CCDC62: variants seen among roughly 807,000 people sequenced by gnomAD.
CCDC62 encodes the protein coiled-coil domain containing 62.
In CCDC62, 72 loss-of-function variants were observed where a neutral mutation model predicts 80.8. The ratio of observed to expected loss-of-function variants is 0.89; its 90% CI spans 0.74 to 1.08. CCDC62 has a LOEUF of 1.08. Among genes scored for constraint, CCDC62 ranks in the 50% least tolerant of loss-of-function variants. CCDC62 has a pLI of 0.00. For synonymous variants in CCDC62, 286 were observed against 296.5 expected (o/e 0.96, Z 0.36); for missense variants, 704 against 809.4 (o/e 0.87, Z 1.58).
At chr12:122,776,929 G>C (rs1879492591) in intron 1 of CCDC62, 1 of 152,430 alleles carries the variant, frequency 6.6e-6, no homozygotes, top group African/African-American at 2.4e-5. Context: ...TTGAGTAGCT[G>C]GGATTACAGG....
chr12:122,818,518 G>A (rs550475652), intron 11 of CCDC62, among the ~76,000 whole-genome samples: 2 of 152,076 alleles, frequency 1.3e-5, no homozygotes, highest in South Asian at 4.2e-4. Context: ...TGGGTACTTG[G>A]GAGGTTGAGG....
At position 122,801,868 on chromosome 12, in the gene CCDC62, A is replaced by T. The variant is rs1027348713; in HGVS notation, c.1706+16A>T. On this transcript the variant is annotated intron_variant, in intron 9 of 12. Coordinates refer to ENST00000253079, the MANE Select transcript of CCDC62 (RefSeq NM_201435.5). ...CCCCGGCAAGGTGAGTAACGTTCAC[A>T]TCTGTAAACACCCACGGAGCATGCA... The T allele has an allele frequency of 4.4e-6, 7 of 1,608,610 alleles. No individual in the cohort carries two copies. The highest frequency in any genetic ancestry group is 4.2e-6 in the Non-Finnish European group (5 of 1,177,794).
rs189332613 is a variant in CCDC62, at chr12:122,783,179, T to C, written c.396+1849T>C. On this transcript the variant is annotated intron_variant, in intron 3 of 12. Coordinates refer to ENST00000253079, the MANE Select transcript of CCDC62 (RefSeq NM_201435.5). ...ATCAGATATTTTTTGAGTTCATGCT[T>C]ATAAGAGGTGCAGAAAGCCAGCTTG... 5.9e-5 allele frequency among the ~76,000 whole-genome samples: 9 copies of C among 151,976 alleles called. No homozygotes were observed. The East Asian group carries it at 7.8e-4, about 13-fold the overall frequency.
intron 10 of CCDC62, among the ~76,000 whole-genome samples, chr12:122,812,176 C>G (rs2031920066): frequency 1.3e-5 from 2 of 152,144 alleles, no homozygotes; most frequent in Admixed American, 1.3e-4. Flanking sequence ...GGTGCAGTGG[C>G]TCACGCCTGT....
chr12:122,813,436 C>T lies in CCDC62; in HGVS notation c.2001+17C>T, dbSNP rs1395021188. 1.9e-6 allele frequency: 3 copies of T among 1,606,032 alleles called. No homozygotes were observed. The highest frequency in any genetic ancestry group is 2.5e-6 in the Non-Finnish European group (3 of 1,177,354). ...GCCACAAATGTATGCGTTTCATTTTCTCTTGACTATATTTGTCACATCCAA... is the reference window on the plus strand; with the variant it reads ...GCCACAAATGTATGCGTTTCATTTTTTCTTGACTATATTTGTCACATCCAA... On this transcript the variant is annotated intron_variant, in intron 11 of 12. Transcript: ENST00000253079.
At position 122,786,694 on chromosome 12, in the gene CCDC62, C is replaced by G. The variant is rs1382792796; in HGVS notation, c.498+874C>G. ...TAAAGAGAAAGGCCGGGCACGGTGG[C>G]TCACGCCTGTAATCCCAGCACTTTG... On this transcript the variant is annotated intron_variant, in intron 4 of 12. Transcript: ENST00000253079. Among the ~76,000 whole-genome samples the G allele has an allele frequency of 2.6e-5, 4 of 152,196 alleles. No individual in the cohort carries two copies. The East Asian group carries it at 5.9e-4, about 22-fold the overall frequency.
chr12:122,812,537 G>A (rs1431638893), intron 10 of CCDC62, among the ~76,000 whole-genome samples: 2 of 149,120 alleles, frequency 1.3e-5, no homozygotes, highest in Non-Finnish European at 3.0e-5. Context: ...TCAGGAGATT[G>A]AGACCATTCT....
chr12:122,805,608 G>A (rs995919900), intron 9 of CCDC62, among the ~76,000 whole-genome samples: 4 of 141,534 alleles, frequency 2.8e-5, no homozygotes, highest in African/African-American at 7.8e-5. Flanking sequence ...TCTGCCTCCC[G>A]GGTTCACGCC....
chr12:122,825,093 AAAAAG>A (rs1010562919), intron 12 of CCDC62, among the ~76,000 whole-genome samples: 3 of 151,962 alleles, frequency 2.0e-5, no homozygotes, highest in Non-Finnish European at 2.9e-5. Flanking sequence ...TCTCAAAAAA[AAAAAG>A]AAAAGAAAAA....
intron 10 of CCDC62, among the ~76,000 whole-genome samples, chr12:122,811,073 G>T (rs1282471775): frequency 6.6e-6 from 1 of 151,778 alleles, no homozygotes; most frequent in African/African-American, 2.4e-5. Context: ...TAATGTAAAT[G>T]ATGAGTTAAT....
chr12:122,806,327 C>T (rs1425523762), intron 10 of CCDC62, 32 bp downstream of exon 10: 3 of 1,574,094 alleles, frequency 1.9e-6, no homozygotes, highest in East Asian at 2.3e-5. Flanking sequence ...CCCCAGCTTA[C>T]TCAAGCCAGG....
At chr12:122,781,132 G>T in intron 2 of CCDC62, 32 bp from the exon 3 acceptor site, 1 of 1,575,592 alleles carries the variant, frequency 6.3e-7, no homozygotes, top group African/African-American at 1.4e-5. Context: ...AGCTGAAGGT[G>T]TGACTACAAA....
At chr12:122,790,212 G>T (rs940466718) in intron 5 of CCDC62, among the ~76,000 whole-genome samples, 5 of 152,044 alleles carry the variant, frequency 3.3e-5, no homozygotes, top group Admixed American at 3.3e-4. Flanking sequence ...CACCATGCCC[G>T]GCTAATTTTT....
chr12:122,803,891 A>AG (rs2031443933), intron 9 of CCDC62, among the ~76,000 whole-genome samples: 6 of 152,158 alleles, frequency 3.9e-5, no homozygotes, highest in Admixed American at 3.3e-4. Context: ...TAACGTATGA[A>AG]ATAAGTTCAG....
rs1404021475 is a variant in CCDC62, at chr12:122,788,799, T to C, written c.540T>C (p.Cys180=). 7.5e-6 allele frequency: 12 copies of C among 1,596,284 alleles called. No homozygotes were observed. Among genetic ancestry groups the C allele is most frequent in the Non-Finnish European group, 1.0e-5 (12 of 1,175,060 alleles). Residue 180 remains cysteine, a synonymous_variant, in exon 5 of 13, where the codon TGT becomes TGC. Transcript: ENST00000253079. ...AGGCAGTTAATCACATTGCAGATTG[T>C]TCGGGTAAATTTAAAATGCTAGAGC... ...IIEAVNHIAD[C]SGKFKMLEHA...
At chr12:122,789,798 C>G (rs897778082) in intron 5 of CCDC62, among the ~76,000 whole-genome samples, 4 of 152,178 alleles carry the variant, frequency 2.6e-5, no homozygotes, top group African/African-American at 9.6e-5. Flanking sequence ...GATGCCTTGA[C>G]CTATGGTTAG....
At chr12:122,802,877 TA>T (rs1317564486) in intron 9 of CCDC62, among the ~76,000 whole-genome samples, 1 of 152,056 alleles carries the variant, frequency 6.6e-6, no homozygotes, top group East Asian at 1.9e-4. Context: ...AAAAATTTTT[TA>T]ATTTGCTGGG....
At chr12:122,784,248 C>T (rs1319999233) in intron 3 of CCDC62, among the ~76,000 whole-genome samples, 1 of 152,286 alleles carries the variant, frequency 6.6e-6, no homozygotes, top group Non-Finnish European at 1.5e-5. Flanking sequence ...GGAGGCCGGG[C>T]GCGGTGGCTC....
At chr12:122,799,812 A>AGGCGTGT (rs1283781765) in intron 8 of CCDC62, among the ~76,000 whole-genome samples, 1 of 152,270 alleles carries the variant, frequency 6.6e-6, no homozygotes, top group South Asian at 2.1e-4. Context: ...GGATCACCCC[A>AGGCGTGT]GGCGTGTGGC....
Sources: gnomAD v4.1 joint callset for allele counts (sites outside exome capture counted in the v4.1 genomes callset) on GRCh38, gnomAD v4.1.1 for gene constraint, MANE v1.5 for transcripts, NCBI Gene and HGNC (gene_info 2026-07-23, HGNC 2026-07-21) for gene names.